The following ZNF207 variants were observed in gnomAD, a reference collection of about 807,000 sequenced individuals.
ZNF207 encodes BUB3-interacting and GLEBS motif-containing protein ZNF207.
A neutral mutation model predicts 60.2 loss-of-function variants in ZNF207; 24 were observed. That is an observed-to-expected ratio of 0.40 (90% CI 0.29 to 0.56). The LOEUF (loss-of-function observed/expected upper bound fraction) is 0.56, where lower values mean the gene tolerates loss of function less well. Among genes scored for constraint, ZNF207 ranks in the 20% least tolerant of loss-of-function variants. The probability of loss-of-function intolerance (pLI) is 0.49; values close to 1 mark genes in which losing one functional copy is unlikely to be tolerated. For missense variants in ZNF207, 452 were observed against 636.6 expected, an observed-to-expected ratio of 0.71 and a Z score of 3.12; for synonymous variants, 236 against 194.7, an observed-to-expected ratio of 1.21 and a Z score of -1.77.
At chr17:32,361,133 T>TA (rs1904858988) in intron 5 of ZNF207, 166 bp downstream of exon 5, 1 of 770,054 alleles carries the variant, frequency 1.3e-6, no homozygotes, top group Non-Finnish European at 2.0e-6. Context: ...TTAAGGAATA[T>TA]AAATTTGCCT....
chr17:32,366,607 C>T, intron 8 of ZNF207, 58 bp from the exon 9 acceptor site: 1 of 1,450,926 alleles, frequency 6.9e-7, no homozygotes, highest in Non-Finnish European at 9.3e-7. Context: ...TACCACATGG[C>T]TTATTTTGAC....
chr17:32,371,244 A>C lies in ZNF207; in HGVS notation c.*1485A>C, dbSNP rs1301659746. The C allele has an allele frequency of 6.6e-6, 1 of 152,248 alleles. No homozygotes were observed. The highest frequency in any genetic ancestry group is 1.5e-5 in the Non-Finnish European group (1 of 68,036). The allele number at this position is 152,248 out of a possible 1,614,324, so 9.4% of individuals were successfully genotyped here. On this transcript the variant is annotated 3_prime_UTR_variant, in exon 12 of 12. Transcript: ENST00000394670. Reference sequence around the variant, plus strand: ...TTCTCATTATAAAGTTAAGACTTCTAAGAAAATGGTAACATTTCTTTATAA... The same window carrying C: ...TTCTCATTATAAAGTTAAGACTTCTCAGAAAATGGTAACATTTCTTTATAA...
intron 2 of ZNF207, among the ~76,000 whole-genome samples, chr17:32,355,192 C>T (rs951124874): frequency 1.3e-5 from 2 of 152,194 alleles, no homozygotes; most frequent in Non-Finnish European, 2.9e-5. Context: ...CCTAATAGTT[C>T]GAGACTAGCC....
intron 8 of ZNF207, among the ~76,000 whole-genome samples, chr17:32,366,024 A>T (rs750582977): frequency 2.6e-5 from 4 of 152,176 alleles, no homozygotes; most frequent in Admixed American, 6.6e-5. Context: ...CCAGAGCATA[A>T]GTGAAAGATG....
chr17:32,355,211 A>G (rs540438592), intron 2 of ZNF207, among the ~76,000 whole-genome samples: 2 of 152,280 alleles, frequency 1.3e-5, no homozygotes, highest in South Asian at 2.1e-4. Flanking sequence ...CCTGGGCAAT[A>G]TAATGAGACC....
Position 32,381,035 on chromosome 17 carries a change from T to TA in ZNF207, c.*11278dup, listed in dbSNP as rs1376945418. On this transcript the variant is annotated 3_prime_UTR_variant, in exon 12 of 12. Transcript: ENST00000394670. ...GGATGTTCTATTAATAATAAAGTGA[T>TA]AATAAATGAAGGTTAAAGTCAAGTG... The TA allele has an allele frequency of 1.1e-4, 17 of 152,182 alleles. No homozygotes were observed. Among genetic ancestry groups the TA allele is most frequent in the Non-Finnish European group, 2.4e-4 (16 of 68,028 alleles). The allele number at this position is 152,182 out of a possible 1,614,324, so 9.4% of individuals were successfully genotyped here.
rs1905510339 is a variant in ZNF207, at chr17:32,372,350, T to TAATTAATAATTAAGTAATTA, written c.*2591_*2592insAATTAATAATTAAGTAATTA. The stretch of plus-strand genomic sequence containing the variant: ...TTTAGAATAATTAAGTAAGGGGTGC[T>TAATTAATAATTAAGTAATTA]CTCCCAAATTCTCAGGAATTTCATG... On this transcript the variant is annotated 3_prime_UTR_variant, in exon 12 of 12. Transcript: ENST00000394670. The TAATTAATAATTAAGTAATTA allele has an allele frequency of 6.6e-6, 1 of 152,082 alleles. No homozygotes were observed. The highest frequency in any genetic ancestry group is 1.5e-5 in the Non-Finnish European group (1 of 68,004). The allele number at this position is 152,082 out of a possible 1,614,324, so 9.4% of individuals were successfully genotyped here.
chr17:32,363,527 A>G (rs1268289274), intron 7 of ZNF207, among the ~76,000 whole-genome samples: 1 of 95,014 alleles, frequency 1.1e-5, no homozygotes, highest in Non-Finnish European at 2.5e-5. Context: ...AAATCCAACA[A>G]ACTTTTTTTT....
rs907089153 is a variant in ZNF207 at position 32,369,835 on chromosome 17, C to A, written c.*76C>A. The A allele has an allele frequency of 2.2e-6, 3 of 1,335,548 alleles. No homozygotes were observed. The East Asian group carries it at 8.0e-5, about 36-fold the overall frequency. 82.7% of individuals were successfully genotyped at this position (1,335,548 alleles called of 1,614,324 possible). ...TGTGCTGTTTATATAGCCAAGCTTC[C>A]GTCAATAAGGCTTCATTGTGACTTT... On this transcript the variant is annotated 3_prime_UTR_variant, in exon 12 of 12. Transcript: ENST00000394670.
At chr17:32,364,905 TGTA>T (rs1447708911) in intron 7 of ZNF207, among the ~76,000 whole-genome samples, 9 of 152,254 alleles carry the variant, frequency 5.9e-5, no homozygotes, top group Non-Finnish European at 7.3e-5. Flanking sequence ...GTTTAAAGTA[TGTA>T]GTAGTGATGT....
intron 6 of ZNF207, 144 bp downstream of exon 6, chr17:32,361,659 C>A (rs548327914): frequency 3.2e-6 from 2 of 623,326 alleles, no homozygotes; most frequent in Non-Finnish European, 2.6e-6. Context: ...TAACACAGGT[C>A]TCTTAAAGAA....
At chr17:32,351,997 C>CA in intron 2 of ZNF207, 85 bp downstream of exon 2, 1 of 1,364,602 alleles carries the variant, frequency 7.3e-7, no homozygotes. Context: ...TTTTGAGTTT[C>CA]GGTCTTGTCG....
intron 8 of ZNF207, among the ~76,000 whole-genome samples, chr17:32,366,251 A>G (rs967940277): frequency 5.3e-5 from 8 of 152,130 alleles, no homozygotes; most frequent in Non-Finnish European, 7.4e-5. Flanking sequence ...CCTTTTGTTA[A>G]GCACATTAAC....
At position 32,373,571 on chromosome 17, in the gene ZNF207, G is replaced by T; in HGVS notation, c.*3812G>T. ...AGGCCCCTAAATTTAATTAAACTTA[G>T]GATTTTTATACTCTTTTGGCAGAGA... is the stretch of plus-strand genomic sequence containing the variant. On this transcript the variant is annotated 3_prime_UTR_variant, in exon 12 of 12. Transcript: ENST00000394670. The T allele has an allele frequency of 2.4e-6, 1 of 420,848 alleles. No homozygotes were observed. Among genetic ancestry groups the T allele is most frequent in the Non-Finnish European group, 4.2e-6 (1 of 237,558 alleles). The allele number at this position is 420,848 out of a possible 1,614,324, so 26.1% of individuals were successfully genotyped here.
At position 32,368,167 on chromosome 17, in the gene ZNF207, T is replaced by C. The variant is rs1905286960; in HGVS notation, c.1164+153T>C. 4 of 1,100,072 alleles carry C rather than the reference T, an allele frequency of 3.6e-6. No homozygotes were observed. The Admixed American group carries it at 1.1e-4, about 31-fold the overall frequency. 68.1% of individuals were successfully genotyped at this position (1,100,072 alleles called of 1,614,324 possible). On this transcript the variant is annotated intron_variant, in intron 10 of 11. Transcript: ENST00000394670. ...TTTTGCCATTCTGATTCTTAAGAAA[T>C]CATAAAATACTTAAAGTGGACAGAT...
chr17:32,366,651 CT>C lies in ZNF207; in HGVS notation c.829-10del. The C allele has an allele frequency of 6.3e-7, 1 of 1,587,780 alleles. No individual in the cohort carries two copies. On this transcript the variant is annotated splice_polypyrimidine_tract_variant and intron_variant, in intron 8 of 11. Coordinates refer to ENST00000394670, the MANE Select transcript of ZNF207 (RefSeq NM_001098507.2). ...TTGGAGACTTTTCATTGTTTCCTTTCTTTTATGCTACAGATGGGGACACCTG... is the reference window on the plus strand; with the variant it reads ...TTGGAGACTTTTCATTGTTTCCTTTCTTTATGCTACAGATGGGGACACCTG...
chr17:32,366,857 GT>G, intron 9 of ZNF207, 100 bp downstream of exon 9: 2 of 1,115,630 alleles, frequency 1.8e-6, no homozygotes, highest in Non-Finnish European at 2.4e-6. Flanking sequence ...AATATACTGT[GT>G]TTACTTTTTT....
Position 32,373,214 on chromosome 17 carries a change from G to A in ZNF207, c.*3455G>A. Reference sequence around the variant, plus strand: ...TTAATTAAACTTAATTAATTGGGGAGGGGGATTCCCCAACAAAAAGAAGTA... The same window carrying A: ...TTAATTAAACTTAATTAATTGGGGAAGGGGATTCCCCAACAAAAAGAAGTA... On this transcript the variant is annotated 3_prime_UTR_variant, in exon 12 of 12. Coordinates refer to ENST00000394670, the MANE Select transcript of ZNF207 (RefSeq NM_001098507.2). 2.2e-6 allele frequency: 1 copy of A among 451,876 alleles called. No homozygotes were observed. Among genetic ancestry groups the A allele is most frequent in the Non-Finnish European group, 4.0e-6 (1 of 253,126 alleles). The allele number at this position is 451,876 out of a possible 1,614,324, so 28.0% of individuals were successfully genotyped here. A position where few individuals can be genotyped will look rare whatever the true frequency, so the allele number is the denominator to read the frequency against.
rs1238801289 is a variant in ZNF207, at chr17:32,381,065, A to G, written c.*11306A>G. On this transcript the variant is annotated 3_prime_UTR_variant, in exon 12 of 12. Transcript: ENST00000394670. ...AATGAAGGTTAAAGTCAAGTGTTCAATTACTACACCAGGAAAGATTGATTA... is the reference window on the plus strand; with the variant it reads ...AATGAAGGTTAAAGTCAAGTGTTCAGTTACTACACCAGGAAAGATTGATTA... 2 of 152,256 alleles carry G rather than the reference A, an allele frequency of 1.3e-5. No homozygotes were observed. The highest frequency in any genetic ancestry group is 2.1e-4 in the South Asian group (1 of 4,832). The allele number at this position is 152,256 out of a possible 1,614,324, so 9.4% of individuals were successfully genotyped here. A position where few individuals can be genotyped will look rare whatever the true frequency, so the allele number is the denominator to read the frequency against.
Sources: gnomAD v4.1 joint callset for allele counts (sites outside exome capture counted in the v4.1 genomes callset) on GRCh38, gnomAD v4.1.1 for gene constraint, MANE v1.5 for transcripts, NCBI Gene and HGNC (gene_info 2026-07-23, HGNC 2026-07-21) for gene names.